The following MYH4 variants were observed in gnomAD, a reference collection of about 807,000 sequenced individuals.
MYH4 encodes the protein myosin-4.
In MYH4, 200 loss-of-function variants were observed where a neutral mutation model predicts 229.9. That is an observed-to-expected ratio of 0.87 (90% CI 0.78 to 0.98). The LOEUF (loss-of-function observed/expected upper bound fraction) is 0.98, where lower values mean the gene tolerates loss of function less well. MYH4 is among the 50% of genes least tolerant of loss of function. The probability of loss-of-function intolerance (pLI) is 0.00; values close to 1 mark genes in which losing one functional copy is unlikely to be tolerated. For missense variants in MYH4, 2,148 were observed against 2,332.6 expected, an observed-to-expected ratio of 0.92 and a Z score of 1.63; for synonymous variants, 761 against 834.6, an observed-to-expected ratio of 0.91 and a Z score of 1.52.
rs199631660 is a variant in MYH4 at position 10,448,898 on chromosome 17, A to G, written c.4331T>C (p.Ile1444Thr). 6.8e-6 allele frequency: 11 copies of G among 1,614,172 alleles called. No homozygotes were observed. In the East Asian group the frequency reaches 2.0e-4, roughly 29 times the overall value. ...IDVERSNAAC[I>T]ALDKKQRNFD... is the part of the protein sequence containing the mutation. ...GTTTCTTTGCTTCTTATCGAGAGCT[A>G]TGCAGGCAGCATTAGATCGTTCCAC... is the stretch of plus-strand genomic sequence containing the variant. The change falls in exon 31 of 40, where the codon ATA becomes ACA. Residue 1444 changes from isoleucine to threonine, a missense_variant. Coordinates refer to ENST00000255381, the MANE Select transcript of MYH4 (RefSeq NM_017533.2).
intron 16 of MYH4, among the ~76,000 whole-genome samples, chr17:10,457,145 G>A (rs1305352756): frequency 6.6e-6 from 1 of 152,198 alleles, no homozygotes; most frequent in Non-Finnish European, 1.5e-5. Flanking sequence ...ATAGAAATGA[G>A]TTTTATGATC....
Position 10,445,379 on chromosome 17 carries a change from A to G in MYH4, c.5170-17T>C, listed in dbSNP as rs1158813621. ...GCTGGTGTTCTGTTTCAAATTAATG[A>G]AAGAGAAGAGAAGCACATTTACTTA... On this transcript the variant is annotated splice_polypyrimidine_tract_variant and intron_variant, in intron 35 of 39. Transcript: ENST00000255381. 6.4e-7 allele frequency: 1 copy of G among 1,565,464 alleles called. No individual in the cohort carries two copies. The highest frequency in any genetic ancestry group is 1.8e-5 in the Admixed American group (1 of 55,330).
In MYH4 at chr17:10,443,434, C is replaced by T. The variant is rs371108016; in HGVS notation, c.5761G>A (p.Val1921Ile). 2 of 1,614,194 alleles carry T rather than the reference C, an allele frequency of 1.2e-6. No individual in the cohort carries two copies. Among genetic ancestry groups the T allele is most frequent in the Non-Finnish European group, 1.7e-6 (2 of 1,180,008 alleles). ...KERADIAESQ[V>I]NKLRVKSREV... Reference sequence around the variant, plus strand: ...CGACTCTTCACTCTCAGCTTGTTGACTTGGGACTCAGCAATGTCAGCCCGT... The same window carrying T: ...CGACTCTTCACTCTCAGCTTGTTGATTTGGGACTCAGCAATGTCAGCCCGT... Residue 1921 changes from valine (V) to isoleucine (I), a missense_variant, in exon 40 of 40, where the codon GTC (valine) becomes ATC (isoleucine). Transcript: ENST00000255381. This position sits in a 1 kb window ranked among gnomAD's most constrained non-coding sequence, Gnocchi z 4.6.
chr17:10,468,207 C>A (rs1030461206), intron 2 of MYH4, among the ~76,000 whole-genome samples: 2 of 151,980 alleles, frequency 1.3e-5, no homozygotes, highest in African/African-American at 4.8e-5. Flanking sequence ...GTTTTTACAC[C>A]AGGCAACTTG....
intron 12 of MYH4, 124 bp from the exon 13 acceptor site, chr17:10,460,445 T>C: frequency 1.3e-6 from 1 of 775,464 alleles, no homozygotes; most frequent in South Asian, 2.1e-5. Context: ...ATTGAAACCT[T>C]TTCATTTGTT....
rs775489026 is a variant in MYH4, at chr17:10,454,570, TTG to T, written c.2674_2675del (p.Gln892ThrfsTer6). 6 of 1,613,452 alleles carry T rather than the reference TTG, an allele frequency of 3.7e-6. No individual in the cohort carries two copies. Among genetic ancestry groups the T allele is most frequent in the Non-Finnish European group, 3.4e-6 (4 of 1,179,896 alleles). ...TAATACTTACAGCTTGAACTTGGAGTTGTAAGTCATTTTTCTCTTGCATTAGC... is the reference window on the plus strand; with the variant it reads ...TAATACTTACAGCTTGAACTTGGAGTTAAGTCATTTTTCTCTTGCATTAGC... The part of the protein sequence containing the change: ...VTLMQEKNDL[Q>X]LQVQAEADAL... On this transcript the variant is annotated frameshift_variant, in exon 22 of 40. Coordinates refer to ENST00000255381, the MANE Select transcript of MYH4 (RefSeq NM_017533.2). LOFTEE classifies it high-confidence loss of function.
rs769615310 is a variant in MYH4 at position 10,454,558 on chromosome 17, T to C, written c.2688A>G (p.Gln896=). The part of the protein sequence containing the change: ...QEKNDLQLQV[Q]AEADALADAE... ...AACTGCAATGTATAATACTTACAGC[T>C]TGAACTTGGAGTTGTAAGTCATTTT... Residue 896 remains glutamine, a synonymous_variant, in exon 22 of 40, where the codon CAA becomes CAG. Transcript: ENST00000255381. The C allele has an allele frequency of 6.2e-7, 1 of 1,613,634 alleles. No homozygotes were observed. The highest frequency in any genetic ancestry group is 8.5e-7 in the Non-Finnish European group (1 of 1,179,916).
intron 27 of MYH4, 27 bp downstream of exon 27, chr17:10,451,914 A>G (rs367996633): frequency 3.7e-5 from 57 of 1,560,308 alleles, no homozygotes; most frequent in Non-Finnish European, 4.9e-5. Context: ...GCAAATAAAG[A>G]TGAAAAGGGC....
Position 10,465,569 on chromosome 17 carries a change from G to A in MYH4, c.378C>T (p.Val126=), listed in dbSNP as rs755549651. 9 of 1,614,030 alleles carry A rather than the reference G, an allele frequency of 5.6e-6. No homozygotes were observed. Among genetic ancestry groups the A allele is most frequent in the Non-Finnish European group, 6.8e-6 (8 of 1,180,032 alleles). ...YTYSGLFCVT[V]NPYKWLPVYN... Reference sequence around the variant, plus strand: ...ACACCGGCAGCCACTTGTAGGGGTTGACGGTGACACAGAAGAGGCCCGAGT... The same window carrying A: ...ACACCGGCAGCCACTTGTAGGGGTTAACGGTGACACAGAAGAGGCCCGAGT... The change falls in exon 5 of 40, where the codon GTC becomes GTT. Residue 126 remains valine (V), a synonymous_variant. Transcript: ENST00000255381.
In MYH4 at chr17:10,455,267, G is replaced by T. The variant is rs77530914; in HGVS notation, c.2203C>A (p.Pro735Thr). 4,928 of 1,613,650 alleles carry T rather than the reference G, an allele frequency of 3.1e-3. 159 individuals are homozygous for T. The African/African-American group carries it at 0.059, about 19-fold the overall frequency. ...TTGCTGTCAATGAACTGACCCTCTG[G>T]GATAGCACTCGCATTTAGAACCTTG... ...RYKVLNASAI[P>T]EGQFIDSKKA... Residue 735 changes from proline (P) to threonine (T), a missense_variant, in exon 20 of 40, where the codon CCA becomes ACA. Coordinates refer to ENST00000255381, the MANE Select transcript of MYH4 (RefSeq NM_017533.2).
At chr17:10,453,089 C>G (rs2072596137) in intron 24 of MYH4, 63 bp downstream of exon 24, 2 of 1,606,718 alleles carry the variant, frequency 1.2e-6, no homozygotes, top group South Asian at 2.2e-5. Context: ...ACTATCAGTG[C>G]TGGTTTCATG....
intron 17 of MYH4, 144 bp from the exon 18 acceptor site, chr17:10,456,045 T>A: frequency 9.7e-7 from 1 of 1,025,860 alleles, no homozygotes; most frequent in South Asian, 1.6e-5. Context: ...ATCATATAAG[T>A]GGAGCACAGG....
chr17:10,452,673 G>T, intron 25 of MYH4, 114 bp downstream of exon 25: 1 of 1,338,130 alleles, frequency 7.5e-7, no homozygotes, highest in Non-Finnish European at 1.0e-6. Flanking sequence ...GGTCAAAGAT[G>T]TCATTATTTT....
At chr17:10,447,275 A>C (rs966577263) in intron 34 of MYH4, 59 bp from the exon 35 acceptor site, 1 of 1,451,550 alleles carries the variant, frequency 6.9e-7, no homozygotes, top group African/African-American at 1.4e-5. Flanking sequence ...ATGCAAACTT[A>C]TGGTCATGTA....
At chr17:10,457,772 A>G (rs964498595) in intron 15 of MYH4, 43 bp from the exon 16 acceptor site, 4 of 1,577,572 alleles carry the variant, frequency 2.5e-6, no homozygotes, top group African/African-American at 1.4e-5. Flanking sequence ...AGTCCCTCAG[A>G]AAGTTATGCT....
intron 2 of MYH4, among the ~76,000 whole-genome samples, chr17:10,468,208 A>G (rs2072787485): frequency 6.6e-6 from 1 of 152,322 alleles, no homozygotes; most frequent in South Asian, 2.1e-4. Flanking sequence ...TTTTTACACC[A>G]GGCAACTTGA....
rs1200956007 is a variant in MYH4 at position 10,450,788 on chromosome 17, C to G, written c.3973G>C (p.Glu1325Gln). ...QIEELKRQLE[E>Q]ETKAKSTLAH... The stretch of plus-strand genomic sequence containing the variant: ...TGGAGAATTCTCACCTTAGTCTCCT[C>G]TTCTAGCTGCCTCTTTAATTCTTCA... Residue 1325 changes from glutamate to glutamine, a missense_variant, in exon 29 of 40, where the codon GAG becomes CAG. Physicochemically the swap from Glu to Gln is conservative, Grantham distance 29. Transcript: ENST00000255381. 6.2e-7 allele frequency: 1 copy of G among 1,613,566 alleles called. No homozygotes were observed. The highest frequency in any genetic ancestry group is 8.5e-7 in the Non-Finnish European group (1 of 1,179,598).
chr17:10,447,512 A>G (rs1011291824), intron 34 of MYH4, among the ~76,000 whole-genome samples: 3 of 152,192 alleles, frequency 2.0e-5, no homozygotes, highest in African/African-American at 7.2e-5. Flanking sequence ...TATTTTACAT[A>G]TTAAGCAAAT....
Position 10,444,918 on chromosome 17 carries a change from G to T in MYH4, c.5467-19C>A, listed in dbSNP as rs79179246. On this transcript the variant is annotated intron_variant, in intron 37 of 39. Coordinates refer to ENST00000255381, the MANE Select transcript of MYH4 (RefSeq NM_017533.2). Reference sequence around the variant, plus strand: ...CTCTCACCTGGAAGGGAACAAAGACGTTTACCAGTTTGGCTGTAACTGGCC... The same window carrying T: ...CTCTCACCTGGAAGGGAACAAAGACTTTTACCAGTTTGGCTGTAACTGGCC... 1.2e-6 allele frequency: 2 copies of T among 1,614,104 alleles called. No homozygotes were observed. Among genetic ancestry groups the T allele is most frequent in the South Asian group, 2.2e-5 (2 of 91,088 alleles).
Sources: gnomAD v4.1 joint callset for allele counts (sites outside exome capture counted in the v4.1 genomes callset) on GRCh38, gnomAD v4.1.1 for gene constraint, Gnocchi (gnomAD v3.1) non-coding constraint, MANE v1.5 for transcripts, NCBI Gene and HGNC (gene_info 2026-07-23, HGNC 2026-07-21) for gene names.